Variants in NELL1 observed in about 807,000 individuals in gnomAD.
NELL1 encodes neural EGFL like 1, also known as protein kinase C-binding protein NELL1.
NELL1 carries 76 observed loss-of-function variants against 107.4 expected under a neutral mutation model. That is an observed-to-expected ratio of 0.71 (90% CI 0.59 to 0.86). The LOEUF (loss-of-function observed/expected upper bound fraction) is 0.86, where lower values mean the gene tolerates loss of function less well. Ranked by LOEUF, NELL1 falls within the 40% of genes least tolerant of loss-of-function variation. NELL1 has a pLI of 0.00. For synonymous variants in NELL1, 353 were observed against 341.2 expected, an observed-to-expected ratio of 1.03 and a Z score of -0.38; for missense variants, 1,024 against 1,005.5, an observed-to-expected ratio of 1.02 and a Z score of -0.25.
At chr11:21,524,919 G>A (rs1219029449) in intron 15 of NELL1, among the ~76,000 whole-genome samples, 1 of 152,092 alleles carries the variant, frequency 6.6e-6, no homozygotes, top group South Asian at 2.1e-4. Flanking sequence ...AAATGAATTT[G>A]GTACATAGAA....
intron 15 of NELL1, among the ~76,000 whole-genome samples, chr11:21,398,670 TC>T (rs1852032495): frequency 6.6e-6 from 1 of 151,716 alleles, no homozygotes; most frequent in African/African-American, 2.4e-5. Context: ...CTACCAATGA[TC>T]AGCTGGTCTT....
At position 20,697,461 on chromosome 11, in the gene NELL1, TA is replaced by T. The variant is rs1189693054; in HGVS notation, c.184+19404del. Reference sequence around the variant, plus strand: ...AGGAGTTCTGCTTCAAAAGAGTTTCTAAAGGAAGAATAGATAGTATCTTTCA... The same window carrying T: ...AGGAGTTCTGCTTCAAAAGAGTTTCTAAGGAAGAATAGATAGTATCTTTCA... On this transcript the variant is annotated intron_variant, in intron 2 of 19. Transcript: ENST00000357134. 2.0e-5 allele frequency among the ~76,000 whole-genome samples: 3 copies of T among 151,412 alleles called. No homozygotes were observed. In the East Asian group the frequency reaches 5.8e-4, roughly 29 times the overall value.
intron 13 of NELL1, among the ~76,000 whole-genome samples, chr11:21,125,703 G>T (rs78805011): frequency 1.3e-5 from 2 of 152,118 alleles, no homozygotes; most frequent in Admixed American, 6.5e-5. Flanking sequence ...ATCCTTCCAC[G>T]GGTGTCTGAA....
chr11:21,014,854 C>A (rs1852529175), intron 12 of NELL1, among the ~76,000 whole-genome samples: 4 of 152,074 alleles, frequency 2.6e-5, no homozygotes, highest in Non-Finnish European at 5.9e-5. Flanking sequence ...AGTCTCCCTG[C>A]CCTTGTTGTG....
chr11:20,886,471 T>C (rs1389272171), intron 5 of NELL1, among the ~76,000 whole-genome samples: 4 of 151,934 alleles, frequency 2.6e-5, no homozygotes, highest in African/African-American at 4.8e-5. Flanking sequence ...CACAAAAATA[T>C]TTTAAAATTC....
chr11:21,099,758 G>C (rs1283905346), intron 12 of NELL1, among the ~76,000 whole-genome samples: 1 of 152,146 alleles, frequency 6.6e-6, no homozygotes, highest in Non-Finnish European at 1.5e-5. Flanking sequence ...TCTGGCATTT[G>C]AACTATTTGT....
intron 2 of NELL1, among the ~76,000 whole-genome samples, chr11:20,694,668 T>C (rs983832263): frequency 6.6e-6 from 1 of 152,290 alleles, no homozygotes; most frequent in East Asian, 1.9e-4. Context: ...TGTAGGTTAC[T>C]GTAGCCTTAT....
At chr11:21,219,125 C>T (rs539916251) in intron 13 of NELL1, among the ~76,000 whole-genome samples, 93 of 152,194 alleles carry the variant, frequency 6.1e-4, no homozygotes, top group African/African-American at 2.0e-3. Flanking sequence ...CTTTTCTCTC[C>T]GTCCGCACTG....
At chr11:21,396,338 A>C (rs2133790374) in intron 15 of NELL1, among the ~76,000 whole-genome samples, 1 of 151,722 alleles carries the variant, frequency 6.6e-6, no homozygotes, top group South Asian at 2.1e-4. Context: ...GAAGCTCAGG[A>C]AACTCGTGGC....
chr11:21,086,007 C>G (rs1590622795), intron 12 of NELL1, among the ~76,000 whole-genome samples: 1 of 152,288 alleles, frequency 6.6e-6, no homozygotes, highest in East Asian at 1.9e-4. Context: ...TTCTGAAGGG[C>G]TCATCTCTCC....
chr11:21,048,684 C>T (rs884106), intron 12 of NELL1, among the ~76,000 whole-genome samples: 49,261 of 151,992 alleles, frequency 0.32, 9,086 homozygotes, highest in African/African-American at 0.5. Context: ...CATAAGCATG[C>T]TTAGCACTGT....
At chr11:21,275,857 A>G (rs1848845028) in intron 14 of NELL1, among the ~76,000 whole-genome samples, 2 of 152,240 alleles carry the variant, frequency 1.3e-5, no homozygotes, top group Non-Finnish European at 2.9e-5. Flanking sequence ...ACAACGCTTC[A>G]TCCTAGAAAC....
At chr11:21,264,071 G>GGTGTGTGTGTGTGTGT (rs10525326) in intron 14 of NELL1, among the ~76,000 whole-genome samples, 12,546 of 139,302 alleles carry the variant, frequency 0.09, 568 homozygotes, top group East Asian at 0.14. Context: ...TCTACAATGG[G>GGTGTGTGTGTGTGTGT]GTGTGTGTGT....
At chr11:20,985,656 GGAA>G (rs1249966063) in intron 12 of NELL1, among the ~76,000 whole-genome samples, 1 of 152,094 alleles carries the variant, frequency 6.6e-6, no homozygotes, top group African/African-American at 2.4e-5. Context: ...GGAAGTGGGG[GGAA>G]GAAGATTAGA....
intron 14 of NELL1, among the ~76,000 whole-genome samples, chr11:21,360,001 A>C (rs1490632364): frequency 6.6e-6 from 1 of 151,316 alleles, no homozygotes; most frequent in African/African-American, 2.4e-5. Context: ...TTCTGCTCTG[A>C]TCTTTGTTAT....
At chr11:20,669,581 G>C (rs1375704792), upstream of NELL1, 1 of 567,716 alleles carries the variant, frequency 1.8e-6, no homozygotes. This position sits in a 1 kb window ranked among gnomAD's most constrained non-coding sequence, Gnocchi z 4.4. Flanking sequence ...ATATGCGAGC[G>C]CAGCACCCGG....
intron 13 of NELL1, among the ~76,000 whole-genome samples, chr11:21,129,572 G>A (rs552217094): frequency 1.1e-4 from 17 of 152,202 alleles, no homozygotes; most frequent in East Asian, 9.7e-4. Flanking sequence ...ATATTATTCC[G>A]TTTTAAAAAG....
At chr11:20,999,449 G>A (rs367682426) in intron 12 of NELL1, among the ~76,000 whole-genome samples, 4 of 152,296 alleles carry the variant, frequency 2.6e-5, no homozygotes, top group Non-Finnish European at 5.9e-5. Flanking sequence ...GTTCTGTTCC[G>A]TGAATGTGGG....
chr11:20,709,655 A>G (rs1855062516), intron 2 of NELL1, among the ~76,000 whole-genome samples: 1 of 152,116 alleles, frequency 6.6e-6, no homozygotes, highest in African/African-American at 2.4e-5. Flanking sequence ...CACAATATTG[A>G]TTCTACCCAT....
Sources: gnomAD v4.1 joint callset for allele counts (sites outside exome capture counted in the v4.1 genomes callset) on GRCh38, gnomAD v4.1.1 for gene constraint, Gnocchi (gnomAD v3.1) non-coding constraint, MANE v1.5 for transcripts, NCBI Gene and HGNC (gene_info 2026-07-23, HGNC 2026-07-21) for gene names.